Variants in TAFA2 observed in about 807,000 individuals in gnomAD.
The protein encoded by TAFA2 is TAFA chemokine like family member 2, also known as chemokine-like protein TAFA-2.
In TAFA2, 7 loss-of-function variants were observed where a neutral mutation model predicts 18.8. The observed-to-expected ratio is 0.37, with a 90% CI of 0.21 to 0.70. The LOEUF (loss-of-function observed/expected upper bound fraction) is 0.70, where lower values mean the gene tolerates loss of function less well. TAFA2 is among the 30% of genes least tolerant of loss of function. TAFA2 has a pLI of 0.53. For missense variants in TAFA2, 122 were observed against 158.1 expected (o/e 0.77, Z 1.23); for synonymous variants, 60 against 54.2 (o/e 1.11, Z -0.47).
chr12:62,058,477 C>A (rs908273111), intron 1 of TAFA2, among the ~76,000 whole-genome samples: 1 of 152,170 alleles, frequency 6.6e-6, no homozygotes, highest in African/African-American at 2.4e-5. Flanking sequence ...ACTGGAGATA[C>A]AGCAGTGAAT....
intron 1 of TAFA2, among the ~76,000 whole-genome samples, chr12:62,053,681 C>T (rs1461578041): frequency 2.0e-5 from 3 of 152,188 alleles, no homozygotes; most frequent in Admixed American, 6.5e-5. Flanking sequence ...TACCCCTTTT[C>T]GCTCCTTTAC....
At chr12:62,062,874 C>A (rs1882388416) in intron 1 of TAFA2, among the ~76,000 whole-genome samples, 1 of 152,150 alleles carries the variant, frequency 6.6e-6, no homozygotes. Context: ...CCACCGCATT[C>A]CTTGGCTCAT....
At chr12:62,112,183 G>A (rs1869763411) in intron 1 of TAFA2, among the ~76,000 whole-genome samples, 2 of 152,152 alleles carry the variant, frequency 1.3e-5, no homozygotes, top group South Asian at 4.1e-4. Context: ...GGCAGGTCTG[G>A]TGGTGACAAA....
intron 1 of TAFA2, among the ~76,000 whole-genome samples, chr12:62,079,420 A>T (rs909367500): frequency 2.6e-5 from 4 of 151,524 alleles, no homozygotes; most frequent in African/African-American, 9.7e-5. Context: ...TGGGAGGCTG[A>T]GGAGGGCTGA....
chr12:61,766,606 T>C (rs1869802146), intron 2 of TAFA2, among the ~76,000 whole-genome samples: 1 of 152,124 alleles, frequency 6.6e-6, no homozygotes, highest in Non-Finnish European at 1.5e-5. Context: ...TATATCTCTG[T>C]TTCCCCTACT....
At chr12:62,214,952 G>C (rs1030138828) in intron 1 of TAFA2, among the ~76,000 whole-genome samples, 3 of 152,050 alleles carry the variant, frequency 2.0e-5, no homozygotes, top group African/African-American at 7.2e-5. Context: ...ATCTTTAAAG[G>C]CTCCATTTAT....
chr12:61,872,344 A>T (rs1874647269), intron 1 of TAFA2, among the ~76,000 whole-genome samples: 2 of 152,102 alleles, frequency 1.3e-5, no homozygotes, highest in African/African-American at 2.4e-5. Flanking sequence ...CTTTACATTG[A>T]TCTAAATACC....
chr12:61,916,057 C>T (rs368999360), intron 1 of TAFA2, among the ~76,000 whole-genome samples: 5 of 152,198 alleles, frequency 3.3e-5, no homozygotes, highest in South Asian at 2.1e-4. Context: ...CCTGATTGAT[C>T]TAAGCCAAGC....
At position 61,708,364 on chromosome 12, in the gene TAFA2, TG is replaced by T. The variant is rs1170462293; in HGVS notation, c.*2041del. On this transcript the variant is annotated 3_prime_UTR_variant, in exon 5 of 5. Transcript: ENST00000416284. The stretch of plus-strand genomic sequence containing the variant: ...TCTAGTTAGTATATTTGAAATTCCA[TG>T]TTTTTTTTCTATTATATGCATGTAT... 1 of 152,126 alleles carries T rather than the reference TG, an allele frequency of 6.6e-6. No individual in the cohort carries two copies. The highest frequency in any genetic ancestry group is 1.5e-5 in the Non-Finnish European group (1 of 67,984). 9.4% of individuals were successfully genotyped at this position (152,126 alleles called of 1,614,324 possible).
intron 2 of TAFA2, among the ~76,000 whole-genome samples, chr12:61,789,938 T>C (rs1870902791): frequency 6.6e-6 from 1 of 151,812 alleles, no homozygotes; most frequent in Non-Finnish European, 1.5e-5. Context: ...CCAATATCCC[T>C]GAGTGAACAT....
intron 1 of TAFA2, among the ~76,000 whole-genome samples, chr12:62,126,924 C>T (rs141500031): frequency 1.8e-4 from 27 of 152,130 alleles, no homozygotes; most frequent in Admixed American, 3.9e-4. Flanking sequence ...TAAATAAATA[C>T]ACATAAGACA....
intron 2 of TAFA2, among the ~76,000 whole-genome samples, chr12:61,859,482 C>T (rs1177633134): frequency 3.4e-5 from 5 of 147,686 alleles, no homozygotes; most frequent in South Asian, 2.2e-4. Context: ...CTCGCTCTGT[C>T]GCCCAGGCTG....
intron 2 of TAFA2, among the ~76,000 whole-genome samples, chr12:61,794,050 T>A (rs1428257264): frequency 6.6e-6 from 1 of 151,908 alleles, no homozygotes; most frequent in Non-Finnish European, 1.5e-5. Flanking sequence ...GAAAACAACT[T>A]CCTAAACTTG....
At chr12:62,066,404 A>AT (rs1319615664) in intron 1 of TAFA2, among the ~76,000 whole-genome samples, 1 of 151,524 alleles carries the variant, frequency 6.6e-6, no homozygotes, top group East Asian at 1.9e-4. Flanking sequence ...CTTTCTAACA[A>AT]TTTTTTGTAC....
chr12:62,194,173 T>C (rs2062638860), upstream of TAFA2, among the ~76,000 whole-genome samples: 1 of 152,172 alleles, frequency 6.6e-6, no homozygotes. Flanking sequence ...ACTGCAAATC[T>C]TACAGTATTT....
rs1411591525 is a variant in TAFA2, at chr12:62,192,408, G to A, written c.-1151C>T. 2.0e-5 allele frequency: 3 copies of A among 152,294 alleles called. No homozygotes were observed. The highest frequency in any genetic ancestry group is 4.4e-5 in the Non-Finnish European group (3 of 68,106). 9.4% of individuals were successfully genotyped at this position (152,294 alleles called of 1,614,324 possible). Reference sequence around the variant, plus strand: ...GGCGGGAGGGGAGAAAGAAAGGAGCGGGGGGAGGGGGCCGAGGAAACAAAT... The same window carrying A: ...GGCGGGAGGGGAGAAAGAAAGGAGCAGGGGGAGGGGGCCGAGGAAACAAAT... On this transcript the variant is annotated 5_prime_UTR_variant, in exon 1 of 5. Coordinates refer to ENST00000416284, the MANE Select transcript of TAFA2 (RefSeq NM_178539.5).
intron 1 of TAFA2, among the ~76,000 whole-genome samples, chr12:62,130,936 CT>C (rs1302216310): frequency 6.6e-6 from 1 of 152,048 alleles, no homozygotes; most frequent in East Asian, 1.9e-4. Flanking sequence ...GGCTAGCAAA[CT>C]GAAAACTTGA....
intron 2 of TAFA2, among the ~76,000 whole-genome samples, chr12:61,794,891 C>G (rs1234848170): frequency 6.6e-6 from 1 of 151,992 alleles, no homozygotes; most frequent in Non-Finnish European, 1.5e-5. Context: ...AAGAAAAAAA[C>G]AAACAACCCC....
intron 1 of TAFA2, among the ~76,000 whole-genome samples, chr12:61,998,454 A>T (rs1880273291): frequency 6.6e-6 from 1 of 152,208 alleles, no homozygotes; most frequent in African/African-American, 2.4e-5. Context: ...TTTATACCAC[A>T]GGTAAGTATC....
Sources: allele counts gnomAD v4.1 joint callset (sites outside exome capture counted in the v4.1 genomes callset), GRCh38; gene constraint gnomAD v4.1.1; transcripts MANE v1.5; gene names NCBI Gene and HGNC (gene_info 2026-07-23, HGNC 2026-07-21).